The following PKNOX2 variants were observed in gnomAD, a reference collection of about 807,000 sequenced individuals.
PKNOX2 encodes PBX/knotted 1 homeobox 2.
PKNOX2 carries 14 observed loss-of-function variants against 53.1 expected under a neutral mutation model. That is an observed-to-expected ratio of 0.26 (90% CI 0.17 to 0.41). The LOEUF (loss-of-function observed/expected upper bound fraction) is 0.41. Ranked by LOEUF, PKNOX2 falls within the 10% of genes least tolerant of loss-of-function variation. The pLI, the probability that PKNOX2 is intolerant of heterozygous loss-of-function variation, is 1.00. For synonymous variants in PKNOX2, 257 were observed against 242.8 expected, an observed-to-expected ratio of 1.06 and a Z score of -0.54; for missense variants, 496 against 602.8, an observed-to-expected ratio of 0.82 and a Z score of 1.85.
chr11:125,411,509 T>TCTCCCCC (rs1491258659), intron 9 of PKNOX2: 1 of 315,072 alleles, frequency 3.2e-6, no homozygotes, highest in Non-Finnish European at 6.0e-6. Context: ...TCTCTCTCTC[T>TCTCCCCC]CCCCCCCTTC....
At chr11:125,242,699 A>G (rs1943255596) in intron 2 of PKNOX2, among the ~76,000 whole-genome samples, 1 of 152,128 alleles carries the variant, frequency 6.6e-6, no homozygotes, top group Non-Finnish European at 1.5e-5. Flanking sequence ...TGTGCGAGCG[A>G]GGCAGTCTTT....
At chr11:125,404,317 C>T (rs1234446553) in intron 7 of PKNOX2, among the ~76,000 whole-genome samples, 4 of 152,212 alleles carry the variant, frequency 2.6e-5, no homozygotes, top group South Asian at 2.1e-4. Context: ...GAAACCTGAG[C>T]GCTTCTCCCG....
chr11:125,406,887 C>T (rs1269027154), intron 7 of PKNOX2, among the ~76,000 whole-genome samples: 3 of 117,026 alleles, frequency 2.6e-5, no homozygotes, highest in Non-Finnish European at 3.3e-5. Flanking sequence ...GGGTGAGGGT[C>T]TTGACCCAGT....
chr11:125,229,188 C>T (rs1162828472), intron 1 of PKNOX2, among the ~76,000 whole-genome samples: 1 of 152,160 alleles, frequency 6.6e-6, no homozygotes, highest in African/African-American at 2.4e-5. Flanking sequence ...CCCCCACCAC[C>T]CCCACACTAT....
In PKNOX2 at chr11:125,340,910, C is replaced by T. The variant is rs948048254; in HGVS notation, c.-23+8985C>T. Among the ~76,000 whole-genome samples, 62 of 151,736 alleles carry T rather than the reference C, an allele frequency of 4.1e-4. 1 individual carries two copies. Among genetic ancestry groups the T allele is most frequent in the Non-Finnish European group, 7.4e-5 (5 of 67,958 alleles). On this transcript the variant is annotated intron_variant, in intron 3 of 12. Transcript: ENST00000298282. ...ACTAAAAATACAAAAATTAGCCAGG[C>T]GTGGTGGCAGGCACCTGTAGTCCCA...
chr11:125,180,972 C>T (rs59655843), intron 1 of PKNOX2, among the ~76,000 whole-genome samples: 9,679 of 152,294 alleles, frequency 0.064, 685 homozygotes, highest in African/African-American at 0.18. Context: ...GATTCTAGTC[C>T]TGCACTTCAG....
chr11:125,235,867 G>T (rs1942631857), intron 2 of PKNOX2, among the ~76,000 whole-genome samples: 1 of 152,202 alleles, frequency 6.6e-6, no homozygotes, highest in Non-Finnish European at 1.5e-5. Context: ...GGGGGGTAAA[G>T]TCTGGGATTC....
At chr11:125,382,228 C>T (rs1250417161) in intron 5 of PKNOX2, among the ~76,000 whole-genome samples, 1 of 152,224 alleles carries the variant, frequency 6.6e-6, no homozygotes, top group Non-Finnish European at 1.5e-5. Flanking sequence ...CACAACACTG[C>T]GTGTGCACAC....
intron 9 of PKNOX2, chr11:125,411,501 T>TCTCC (rs1342467249): frequency 3.5e-5 from 16 of 451,384 alleles, no homozygotes; most frequent in Admixed American, 1.3e-4. Context: ...TCTCTCTCTC[T>TCTCC]CTCTCTCTCC....
At chr11:125,171,554 A>G (rs150098286) in intron 1 of PKNOX2, among the ~76,000 whole-genome samples, 1 of 152,296 alleles carries the variant, frequency 6.6e-6, no homozygotes, top group Non-Finnish European at 1.5e-5. Context: ...AGGACTGTTG[A>G]GGGGCATCTG....
chr11:125,315,317 A>C (rs568996439), intron 2 of PKNOX2, among the ~76,000 whole-genome samples: 6 of 151,554 alleles, frequency 4.0e-5, no homozygotes, highest in East Asian at 3.9e-4. Flanking sequence ...AAAAAAAAAA[A>C]AAAAAAAAAA....
intron 4 of PKNOX2, among the ~76,000 whole-genome samples, chr11:125,366,212 AG>A (rs1240113670): frequency 6.6e-6 from 1 of 152,228 alleles, no homozygotes; most frequent in Admixed American, 6.5e-5. Context: ...AAAGGCTAAT[AG>A]GGGAAAACAG....
intron 2 of PKNOX2, among the ~76,000 whole-genome samples, chr11:125,287,029 C>T (rs539317256): frequency 2.0e-5 from 3 of 152,338 alleles, no homozygotes; most frequent in Middle Eastern, 3.4e-3. Flanking sequence ...TCTCTGATGC[C>T]TGTGAATTTG....
intron 2 of PKNOX2, among the ~76,000 whole-genome samples, chr11:125,272,040 C>T (rs1166396817): frequency 6.6e-6 from 1 of 152,240 alleles, no homozygotes; most frequent in South Asian, 2.1e-4. Context: ...AAGCCCAGAG[C>T]CACTCGGTGC....
intron 2 of PKNOX2, among the ~76,000 whole-genome samples, chr11:125,305,218 CT>C: frequency 6.6e-6 from 1 of 152,194 alleles, no homozygotes; most frequent in African/African-American, 2.4e-5. Flanking sequence ...GCCACTCCGG[CT>C]TCAGCCTTTT....
chr11:125,430,089 C>A lies in PKNOX2; in HGVS notation c.1140C>A (p.Ile380=). The change falls in exon 12 of 13, where the codon ATC becomes ATA. Residue 380 remains isoleucine (I), a synonymous_variant. Transcript: ENST00000298282. ...RPTQRFWPNS[I]AAGVLQQQGG... ...CCCAAAGATTCTGGCCCAACTCCAT[C>A]GCTGCGGGGGTGCTGCAGCAGCAGG... 1 of 1,614,190 alleles carries A rather than the reference C, an allele frequency of 6.2e-7. No homozygotes were observed.
At chr11:125,417,033 C>T (rs777655505) in intron 10 of PKNOX2, among the ~76,000 whole-genome samples, 1 of 152,002 alleles carries the variant, frequency 6.6e-6, no homozygotes, top group African/African-American at 2.4e-5. Flanking sequence ...CTCTGAGTCC[C>T]TGAAGAATCC....
chr11:125,410,972 T>C, intron 9 of PKNOX2, 96 bp downstream of exon 9: 1 of 962,646 alleles, frequency 1.0e-6, no homozygotes, highest in Admixed American at 1.9e-5. Flanking sequence ...GGTGACTCAT[T>C]GAATCCTCAT....
intron 2 of PKNOX2, among the ~76,000 whole-genome samples, chr11:125,300,645 CA>C (rs1353396256): frequency 1.3e-5 from 2 of 151,856 alleles, no homozygotes; most frequent in African/African-American, 4.8e-5. Context: ...GACAGAGAAA[CA>C]AAGAGACAGA....
Sources: gnomAD v4.1 joint callset for allele counts (sites outside exome capture counted in the v4.1 genomes callset) on GRCh38, gnomAD v4.1.1 for gene constraint, MANE v1.5 for transcripts, NCBI Gene and HGNC (gene_info 2026-07-23, HGNC 2026-07-21) for gene names.